ACTN1: variants seen among roughly 807,000 people sequenced by gnomAD.
ACTN1 encodes the protein alpha-actinin-1.
A neutral mutation model predicts 119.6 loss-of-function variants in ACTN1; 30 were observed. The observed-to-expected ratio is 0.25, with a 90% CI of 0.19 to 0.34. ACTN1 has a LOEUF of 0.34. Ranked by LOEUF, ACTN1 falls within the 10% of genes least tolerant of loss-of-function variation. The pLI, the probability that ACTN1 is intolerant of heterozygous loss-of-function variation, is 1.00. For missense variants in ACTN1, 764 were observed against 1,223.4 expected (o/e 0.62, Z 5.60); for synonymous variants, 429 against 472.6 (o/e 0.91, Z 1.20).
At chr14:68,907,757 G>A (rs1162339736) in intron 6 of ACTN1, among the ~76,000 whole-genome samples, 1 of 152,072 alleles carries the variant, frequency 6.6e-6, no homozygotes, top group Non-Finnish European at 1.5e-5. Flanking sequence ...TTCAGAATAA[G>A]GGAGGGGGCT....
At chr14:68,969,682 G>T (rs2036818798) in intron 1 of ACTN1, among the ~76,000 whole-genome samples, 1 of 152,198 alleles carries the variant, frequency 6.6e-6, no homozygotes, top group Non-Finnish European at 1.5e-5. Context: ...CCTCGGTGGA[G>T]GCTGCCCTCT....
intron 1 of ACTN1, among the ~76,000 whole-genome samples, chr14:68,961,573 T>C (rs937755101): frequency 7.2e-5 from 11 of 152,052 alleles, no homozygotes; most frequent in Non-Finnish European, 2.9e-5. Flanking sequence ...GGCACGGGGG[T>C]GGGCTATAGG....
intron 11 of ACTN1, chr14:68,887,897 G>A: frequency 1.1e-6 from 1 of 888,538 alleles, no homozygotes. Flanking sequence ...AGCCACTTCG[G>A]CCTGTTTTCC....
At chr14:68,893,203 G>A (rs959003464) in intron 9 of ACTN1, among the ~76,000 whole-genome samples, 2 of 152,134 alleles carry the variant, frequency 1.3e-5, no homozygotes, top group African/African-American at 4.8e-5. Context: ...GTGCCATCCT[G>A]TTCCCTGAAC....
chr14:68,876,105 T>C (rs2030862455), intron 21 of ACTN1, among the ~76,000 whole-genome samples: 1 of 152,248 alleles, frequency 6.6e-6, no homozygotes, highest in African/African-American at 2.4e-5. Context: ...CAAGCGATTT[T>C]CAGGCCTCAG....
Position 68,874,639 on chromosome 14 carries a change from T to A in ACTN1, c.*220A>T. ...AAAAAATACTTTTTCTATAATAAAA[T>A]ATGTAGTTTTTTGGTTTTTAACGTA... On this transcript the variant is annotated 3_prime_UTR_variant, in exon 22 of 22. Transcript: ENST00000394419. The A allele has an allele frequency of 2.5e-6, 1 of 400,832 alleles. No individual in the cohort carries two copies. Among genetic ancestry groups the A allele is most frequent in the East Asian group, 3.7e-5 (1 of 27,310 alleles). 24.8% of individuals were successfully genotyped at this position (400,832 alleles called of 1,614,324 possible). A position where few individuals can be genotyped will look rare whatever the true frequency, so the allele number is the denominator to read the frequency against.
At chr14:68,978,147 G>A (rs1224157644) in intron 1 of ACTN1, 1 of 456,008 alleles carries the variant, frequency 2.2e-6, no homozygotes, top group South Asian at 1.6e-5. Flanking sequence ...GATCCCCAGT[G>A]ACTGGCCCCA....
intron 1 of ACTN1, chr14:68,977,862 G>A (rs536827787): frequency 2.7e-5 from 12 of 441,178 alleles, no homozygotes; most frequent in African/African-American, 2.2e-4. Context: ...TATGAAACGG[G>A]GAGGGACCGG....
intron 1 of ACTN1, among the ~76,000 whole-genome samples, chr14:68,929,176 G>A (rs549896483): frequency 6.6e-6 from 1 of 152,248 alleles, no homozygotes; most frequent in Admixed American, 6.5e-5. Flanking sequence ...CCTCCGCAGA[G>A]GAGGTCTGAC....
intron 1 of ACTN1, among the ~76,000 whole-genome samples, chr14:68,976,144 C>T (rs994968519): frequency 2.6e-5 from 4 of 152,100 alleles, no homozygotes; most frequent in Non-Finnish European, 5.9e-5. Context: ...AATAAAAGCT[C>T]GATGAAATGG....
intron 8 of ACTN1, among the ~76,000 whole-genome samples, chr14:68,897,132 G>A (rs2032938328): frequency 6.6e-6 from 1 of 152,134 alleles, no homozygotes; most frequent in African/African-American, 2.4e-5. Context: ...ACAGGTGCAT[G>A]CGCCACTATG....
chr14:68,890,294 G>C lies in ACTN1; in HGVS notation c.1087-8C>G. 6.2e-7 allele frequency: 1 copy of C among 1,614,082 alleles called. No homozygotes were observed. The highest frequency in any genetic ancestry group is 8.5e-7 in the Non-Finnish European group (1 of 1,179,970). ...CCAGGCATTGTTGATGTCCTGTGGGGATGGGAGGTACAGGGTCAGGGTCTG... is the reference window on the plus strand; with the variant it reads ...CCAGGCATTGTTGATGTCCTGTGGGCATGGGAGGTACAGGGTCAGGGTCTG... On this transcript the variant is annotated splice_polypyrimidine_tract_variant and splice_region_variant and intron_variant, in intron 10 of 21. Coordinates refer to ENST00000394419, the MANE Select transcript of ACTN1 (RefSeq NM_001130004.2).
chr14:68,922,390 CA>C (rs1358300559), intron 2 of ACTN1, among the ~76,000 whole-genome samples: 1 of 152,226 alleles, frequency 6.6e-6, no homozygotes, highest in Non-Finnish European at 1.5e-5. Context: ...TAAATTAAAT[CA>C]AGACTTTCCA....
At chr14:68,886,481 T>A (rs1419710449) in intron 11 of ACTN1, 1 of 152,258 alleles carries the variant, frequency 6.6e-6, no homozygotes, top group Non-Finnish European at 1.5e-5. Flanking sequence ...AAATTATGTT[T>A]CCTGCTTTTA....
intron 1 of ACTN1, chr14:68,936,934 CT>C (rs1042041571): frequency 1.4e-5 from 7 of 517,472 alleles, no homozygotes; most frequent in African/African-American, 1.2e-4. Context: ...GACTCCTCCC[CT>C]GTCCTCTACA....
intron 1 of ACTN1, among the ~76,000 whole-genome samples, chr14:68,933,629 G>A (rs2140442561): frequency 6.6e-6 from 1 of 152,260 alleles, no homozygotes; most frequent in Non-Finnish European, 1.5e-5. Context: ...CAGCTCCTCT[G>A]TGCCTCATAT....
chr14:68,939,624 T>C (rs998638207), intron 1 of ACTN1, among the ~76,000 whole-genome samples: 1 of 152,100 alleles, frequency 6.6e-6, no homozygotes, highest in African/African-American at 2.4e-5. Flanking sequence ...TTCTTAGGGC[T>C]GGGAACGGAG....
chr14:68,952,247 C>G (rs1393704926), intron 1 of ACTN1, among the ~76,000 whole-genome samples: 1 of 152,220 alleles, frequency 6.6e-6, no homozygotes, highest in African/African-American at 2.4e-5. Flanking sequence ...CAGAGGGAGG[C>G]CTGCTGGAGG....
intron 8 of ACTN1, among the ~76,000 whole-genome samples, chr14:68,895,233 C>T (rs1408905811): frequency 1.3e-5 from 2 of 152,100 alleles, no homozygotes; most frequent in African/African-American, 4.8e-5. Flanking sequence ...GAAACTGAGA[C>T]AGGGAGTCAC....
Sources: allele counts gnomAD v4.1 joint callset (sites outside exome capture counted in the v4.1 genomes callset), GRCh38; gene constraint gnomAD v4.1.1; transcripts MANE v1.5; gene names NCBI Gene and HGNC (gene_info 2026-07-23, HGNC 2026-07-21).